Variants in ADCK2 observed in about 807,000 individuals in gnomAD.
ADCK2 encodes aarF domain containing kinase 2, also known as uncharacterized aarF domain-containing protein kinase 2.
A neutral mutation model predicts 52.3 loss-of-function variants in ADCK2; 37 were observed. The observed-to-expected ratio is 0.71, with a 90% CI of 0.54 to 0.93. The LOEUF is 0.93. Ranked by LOEUF, ADCK2 falls within the 40% of genes least tolerant of loss-of-function variation. The pLI is 0.00. For synonymous variants in ADCK2, 321 were observed against 349.2 expected, an observed-to-expected ratio of 0.92 and a Z score of 0.90; for missense variants, 695 against 798.7, an observed-to-expected ratio of 0.87 and a Z score of 1.56.
At position 140,674,555 on chromosome 7, in the gene ADCK2, C is replaced by G; in HGVS notation, c.934-56C>G. ...CTTGGATGGTGGGACCCAGCCCTGG[C>G]TGGGTAAAATGTGTCCAGCAGGTTT... On this transcript the variant is annotated intron_variant, in intron 1 of 7. Transcript: ENST00000072869. This position sits in a 1 kb window ranked among gnomAD's most constrained non-coding sequence, Gnocchi z 4.6. The G allele has an allele frequency of 6.4e-7, 1 of 1,571,202 alleles. No individual in the cohort carries two copies. Among genetic ancestry groups the G allele is most frequent in the Admixed American group, 1.8e-5 (1 of 55,402 alleles).
chr7:140,690,438 A>G (rs1000345757), intron 6 of ADCK2, among the ~76,000 whole-genome samples: 2 of 146,062 alleles, frequency 1.4e-5, no homozygotes, highest in South Asian at 4.6e-4. Flanking sequence ...CCTGACCTCA[A>G]GTGATCCGCC....
At chr7:140,681,727 G>C (rs1794520355) in intron 4 of ADCK2, among the ~76,000 whole-genome samples, 1 of 151,570 alleles carries the variant, frequency 6.6e-6, no homozygotes, top group Non-Finnish European at 1.5e-5. Flanking sequence ...AAGTGATCCT[G>C]CCTCCTCACT....
Position 140,674,595 on chromosome 7 carries a change from T to G in ADCK2, c.934-16T>G. 6.2e-7 allele frequency: 1 copy of G among 1,602,150 alleles called. No homozygotes were observed. The highest frequency in any genetic ancestry group is 8.5e-7 in the Non-Finnish European group (1 of 1,171,230). On this transcript the variant is annotated splice_polypyrimidine_tract_variant and intron_variant, in intron 1 of 7. Transcript: ENST00000072869. This position sits in a 1 kb window ranked among gnomAD's most constrained non-coding sequence, Gnocchi z 4.6. ...CCAGCAGGTTTCTCCTGTCTCACGG[T>G]TCCTCTTTCTGACAGGTGTTGCACC...
At position 140,692,962 on chromosome 7, in the gene ADCK2, G is replaced by A. The variant is rs964432026; in HGVS notation, c.1741-1701G>A. ...GCCCACCAACAGTACACAAGGGGTC[G>A]TTTCTCTCATCCTCACCAACACTTG... is the stretch of plus-strand genomic sequence containing the variant. On this transcript the variant is annotated intron_variant, in intron 7 of 7. Transcript: ENST00000072869. 2.6e-5 allele frequency among the ~76,000 whole-genome samples: 4 copies of A among 152,220 alleles called. No homozygotes were observed. In the East Asian group the frequency reaches 5.8e-4, roughly 22 times the overall value.
rs1475844868 is a variant in ADCK2 at position 140,678,472 on chromosome 7, G to C, written c.1081-683G>C. Among the ~76,000 whole-genome samples the C allele has an allele frequency of 6.6e-6, 1 of 152,136 alleles. No homozygotes were observed. Among genetic ancestry groups the C allele is most frequent in the Admixed American group, 6.5e-5 (1 of 15,286 alleles). On this transcript the variant is annotated intron_variant, in intron 2 of 7. Transcript: ENST00000072869. The surrounding 1 kb of genome is among the most constrained non-coding windows in gnomAD (Gnocchi z 4.9). ...TGGTGGCTGTCAAGGGGACACACAC[G>C]CTCACTTCGGTCAGGAGAAAGGACA...
At chr7:140,692,086 A>G (rs1794717846) in intron 7 of ADCK2, among the ~76,000 whole-genome samples, 1 of 152,042 alleles carries the variant, frequency 6.6e-6, no homozygotes, top group South Asian at 2.1e-4. Context: ...ATAAAATTTA[A>G]CCCCCCAACC....
At chr7:140,676,370 G>A (rs1794416236) in intron 2 of ADCK2, among the ~76,000 whole-genome samples, 1 of 152,104 alleles carries the variant, frequency 6.6e-6, no homozygotes, top group Non-Finnish European at 1.5e-5. Flanking sequence ...ATTTTGGGGG[G>A]ACACAAACAT....
rs1794745970 is a variant in ADCK2, at chr7:140,693,656, G to A, written c.1741-1007G>A. ...TGTCAATTGCTATTACTACTAATCT[G>A]GCTCTGAAGGGACAGCTGTACCCTG... On this transcript the variant is annotated intron_variant, in intron 7 of 7. Coordinates refer to ENST00000072869, the MANE Select transcript of ADCK2 (RefSeq NM_052853.4). The surrounding 1 kb of genome is among the most constrained non-coding windows in gnomAD (Gnocchi z 4.0). Among the ~76,000 whole-genome samples the A allele has an allele frequency of 6.6e-6, 1 of 152,136 alleles. No homozygotes were observed. Among genetic ancestry groups the A allele is most frequent in the Non-Finnish European group, 1.5e-5 (1 of 68,014 alleles).
Position 140,673,816 on chromosome 7 carries a change from T to G in ADCK2, c.486T>G (p.Ala162=), listed in dbSNP as rs1170976569. Residue 162 remains alanine, a synonymous_variant, in exon 1 of 8, where the codon GCT becomes GCG. Coordinates refer to ENST00000072869, the MANE Select transcript of ADCK2 (RefSeq NM_052853.4). The surrounding 1 kb of genome is among the most constrained non-coding windows in gnomAD (Gnocchi z 6.4). ...ASTRRDLFSE[A]FCAQFSKLHV... ...CCCGGCGCGATCTGTTTTCGGAGGC[T>G]TTCTGTGCCCAATTTTCCAAGCTGC... 1 of 1,613,480 alleles carries G rather than the reference T, an allele frequency of 6.2e-7. No individual in the cohort carries two copies. Among genetic ancestry groups the G allele is most frequent in the Admixed American group, 1.7e-5 (1 of 59,940 alleles).
Position 140,674,868 on chromosome 7 carries a change from A to C in ADCK2, c.1080+111A>C. 8 of 1,320,094 alleles carry C rather than the reference A, an allele frequency of 6.1e-6. No individual in the cohort carries two copies. Among genetic ancestry groups the C allele is most frequent in the Middle Eastern group, 2.1e-4 (1 of 4,836 alleles). The allele number at this position is 1,320,094 out of a possible 1,614,324, so 81.8% of individuals were successfully genotyped here. On this transcript the variant is annotated intron_variant, in intron 2 of 7. Transcript: ENST00000072869. The surrounding 1 kb of genome is among the most constrained non-coding windows in gnomAD (Gnocchi z 4.6). The stretch of plus-strand genomic sequence containing the variant: ...TTTCTGGTATGTCATAACTCATGTG[A>C]TGTGTTAGAGCTGGTAACACTAGCT...
In ADCK2 at chr7:140,682,890, G is replaced by A. The variant is rs369212959; in HGVS notation, c.1305+1753G>A. ...TGGTGGCAGCATGCCTTTAGTCCCA[G>A]CTACCTGGGAGGCTGAGGTGGGATC... On this transcript the variant is annotated intron_variant, in intron 4 of 7. Coordinates refer to ENST00000072869, the MANE Select transcript of ADCK2 (RefSeq NM_052853.4). Among the ~76,000 whole-genome samples the A allele has an allele frequency of 6.7e-5, 10 of 149,834 alleles. No individual in the cohort carries two copies. In the East Asian group the frequency reaches 1.4e-3, roughly 21 times the overall value.
chr7:140,688,553 T>G (rs2130790171), intron 5 of ADCK2, among the ~76,000 whole-genome samples: 1 of 152,344 alleles, frequency 6.6e-6, no homozygotes, highest in Middle Eastern at 3.4e-3. Flanking sequence ...AAGAAACAAG[T>G]GCTGTTTCGT....
chr7:140,690,117 A>C (rs1794679279), intron 6 of ADCK2, among the ~76,000 whole-genome samples: 1 of 152,118 alleles, frequency 6.6e-6, no homozygotes, highest in Non-Finnish European at 1.5e-5. Flanking sequence ...TTTTATCCCC[A>C]AGTTCATGGC....
In ADCK2 at chr7:140,694,703, T is replaced by C. The variant is rs780493274; in HGVS notation, c.1781T>C (p.Ile594Thr). The C allele has an allele frequency of 1.9e-6, 3 of 1,614,130 alleles. No homozygotes were observed. The African/African-American group carries it at 4.0e-5, about 22-fold the overall frequency. Residue 594 changes from isoleucine (I) to threonine (T), a missense_variant, in exon 8 of 8, where the codon ATC (isoleucine) becomes ACC (threonine). Ile to Thr is a moderately conservative substitution (Grantham distance 89). Coordinates refer to ENST00000072869, the MANE Select transcript of ADCK2 (RefSeq NM_052853.4). ...AACTTTGCCTCCATTGTGTTTGCCA[T>C]CATGGTGTTGGAGGGGCTTGGCCGC... ...ESNFASIVFA[I>T]MVLEGLGRSL...
intron 6 of ADCK2, among the ~76,000 whole-genome samples, chr7:140,690,329 A>C (rs1794683336): frequency 2.0e-5 from 3 of 152,132 alleles, no homozygotes; most frequent in Admixed American, 2.0e-4. Flanking sequence ...CAGCCTCCCG[A>C]GTAGCTGGGA....
At position 140,690,761 on chromosome 7, in the gene ADCK2, T is replaced by G. The variant is rs1209624480; in HGVS notation, c.1688T>G (p.Leu563Arg). The G allele has an allele frequency of 1.7e-5, 27 of 1,613,580 alleles. No homozygotes were observed. Among genetic ancestry groups the G allele is most frequent in the Non-Finnish European group, 2.3e-5 (27 of 1,179,912 alleles). ...ARKNTITLEK[L>R]HVSSLLSSVF... ...TTAGCCTTTATTTTGTTTTTCCAGCTTCATGTGTCCAGCCTTCTCTCTAGT... is the reference window on the plus strand; with the variant it reads ...TTAGCCTTTATTTTGTTTTTCCAGCGTCATGTGTCCAGCCTTCTCTCTAGT... Residue 563 changes from leucine (L) to arginine (R), a missense_variant and splice_region_variant, in exon 7 of 8, where the codon CTT (leucine) becomes CGT (arginine). Coordinates refer to ENST00000072869, the MANE Select transcript of ADCK2 (RefSeq NM_052853.4).
At chr7:140,677,173 G>A (rs186721247) in intron 2 of ADCK2, among the ~76,000 whole-genome samples, 27 of 152,172 alleles carry the variant, frequency 1.8e-4, no homozygotes, top group East Asian at 1.4e-3. Context: ...TTTGGGAGGC[G>A]GCGTCAGGTG....
At chr7:140,681,587 T>C (rs2130784308) in intron 4 of ADCK2, among the ~76,000 whole-genome samples, 1 of 152,236 alleles carries the variant, frequency 6.6e-6, no homozygotes, top group East Asian at 1.9e-4. Context: ...CCCAAAGTGC[T>C]GGGATTACAG....
intron 7 of ADCK2, among the ~76,000 whole-genome samples, chr7:140,692,298 T>G (rs1387713809): frequency 6.6e-6 from 1 of 152,236 alleles, no homozygotes; most frequent in Non-Finnish European, 1.5e-5. Flanking sequence ...ATACTGTCCT[T>G]TTGTGATTGG....
Sources: gnomAD v4.1 joint callset for allele counts (sites outside exome capture counted in the v4.1 genomes callset) on GRCh38, gnomAD v4.1.1 for gene constraint, Gnocchi (gnomAD v3.1) non-coding constraint, MANE v1.5 for transcripts, NCBI Gene and HGNC (gene_info 2026-07-23, HGNC 2026-07-21) for gene names.